Variants in PPP2CB observed in about 807,000 individuals in gnomAD.
The protein encoded by PPP2CB is protein phosphatase 2 catalytic subunit beta, also known as serine/threonine-protein phosphatase 2A catalytic subunit beta isoform.
In PPP2CB, 18 loss-of-function variants were observed where a neutral mutation model predicts 39.1. The ratio of observed to expected loss-of-function variants is 0.46; its 90% CI spans 0.32 to 0.68. PPP2CB has a LOEUF of 0.68. PPP2CB is among the 30% of genes least tolerant of loss of function. The pLI, the probability that PPP2CB is intolerant of heterozygous loss-of-function variation, is 0.04. For missense variants in PPP2CB, 226 were observed against 396.9 expected, an observed-to-expected ratio of 0.57 and a Z score of 3.66; for synonymous variants, 129 against 133.8, an observed-to-expected ratio of 0.96 and a Z score of 0.25.
intron 3 of PPP2CB, 140 bp from the exon 4 acceptor site, chr8:30,794,421 C>A (rs1563214958): frequency 9.6e-6 from 7 of 727,198 alleles, no homozygotes; most frequent in Non-Finnish European, 1.3e-5. Flanking sequence ...TTCTTCTTTA[C>A]CCCTTCTCTG....
At chr8:30,793,711 T>A in intron 5 of PPP2CB, 2 of 478,624 alleles carry the variant, frequency 4.2e-6, no homozygotes, top group Non-Finnish European at 7.2e-6. Context: ...TTTTTGTAAC[T>A]TTTTTCTAAG....
chr8:30,801,969 G>A (rs1220529731), intron 1 of PPP2CB, among the ~76,000 whole-genome samples: 1 of 152,182 alleles, frequency 6.6e-6, no homozygotes, highest in Non-Finnish European at 1.5e-5. Context: ...GTATGATTCT[G>A]ACTGCACCTC....
chr8:30,797,493 G>T, intron 3 of PPP2CB, 88 bp downstream of exon 3: 2 of 1,295,318 alleles, frequency 1.5e-6, no homozygotes, highest in Non-Finnish European at 2.1e-6. Flanking sequence ...CAGAAACACA[G>T]GTCATATGAA....
chr8:30,812,096 C>A (rs1399157015), intron 1 of PPP2CB, among the ~76,000 whole-genome samples: 1 of 152,018 alleles, frequency 6.6e-6, no homozygotes, highest in South Asian at 2.1e-4. Context: ...GGCAGCCGGC[C>A]GGGGGCGTGA....
intron 3 of PPP2CB, 33 bp from the exon 4 acceptor site, chr8:30,794,314 G>T: frequency 1.3e-6 from 2 of 1,539,754 alleles, no homozygotes; most frequent in African/African-American, 1.4e-5. Flanking sequence ...GAATGTATTT[G>T]TTTTACTAAC....
At chr8:30,789,702 TGA>T (rs1806400422) in intron 6 of PPP2CB, among the ~76,000 whole-genome samples, 1 of 144,670 alleles carries the variant, frequency 6.9e-6, no homozygotes, top group African/African-American at 2.9e-5. Flanking sequence ...GTTCAGTCAA[TGA>T]TGAGAGGTTG....
At position 30,812,430 on chromosome 8, in the gene PPP2CB, G is replaced by T; in HGVS notation, c.-9C>A. Reference sequence around the variant, plus strand: ...AACGCCTTGTCGTCCATGGCGGCCCGATCCCGATGCGGATCCCGAGCCCCA... The same window carrying T: ...AACGCCTTGTCGTCCATGGCGGCCCTATCCCGATGCGGATCCCGAGCCCCA... On this transcript the variant is annotated 5_prime_UTR_variant, in exon 1 of 7. Transcript: ENST00000221138. The T allele has an allele frequency of 6.6e-7, 1 of 1,518,648 alleles. No individual in the cohort carries two copies. 94.1% of individuals were successfully genotyped at this position (1,518,648 alleles called of 1,614,324 possible). A position where few individuals can be genotyped will look rare whatever the true frequency, so the allele number is the denominator to read the frequency against.
intron 1 of PPP2CB, among the ~76,000 whole-genome samples, chr8:30,808,416 G>T (rs7003483): frequency 3.3e-5 from 5 of 151,610 alleles, no homozygotes; most frequent in African/African-American, 1.2e-4. Flanking sequence ...TCAGTTTTTA[G>T]GCAATCTGAA....
chr8:30,799,849 C>CG (rs1806591793), intron 1 of PPP2CB, 94 bp from the exon 2 acceptor site: 1 of 1,092,244 alleles, frequency 9.2e-7, no homozygotes, highest in African/African-American at 1.6e-5. Flanking sequence ...TTGAAAAGTG[C>CG]CTTATAAAAG....
chr8:30,794,458 C>T, intron 3 of PPP2CB, 177 bp from the exon 4 acceptor site: 4 of 527,926 alleles, frequency 7.6e-6, no homozygotes, highest in Non-Finnish European at 1.3e-5. Context: ...TCCTTGGGGA[C>T]CCACCATTAA....
intron 1 of PPP2CB, among the ~76,000 whole-genome samples, chr8:30,804,398 C>T (rs976174820): frequency 6.6e-6 from 1 of 152,154 alleles, no homozygotes; most frequent in Non-Finnish European, 1.5e-5. Context: ...CTCTGACCTG[C>T]GGACCATTAA....
Position 30,794,295 on chromosome 8 carries a change from A to C in PPP2CB, c.487-14T>G, listed in dbSNP as rs2128760895. 6.3e-7 allele frequency: 1 copy of C among 1,584,698 alleles called. No homozygotes were observed. ...GAGGCAGAATATCTATGTATGAATT[A>C]ACAAAAGAGAATGTATTTGTTTTAC... On this transcript the variant is annotated splice_polypyrimidine_tract_variant and intron_variant, in intron 3 of 6. Transcript: ENST00000221138.
chr8:30,794,485 T>G, intron 3 of PPP2CB: 1 of 480,598 alleles, frequency 2.1e-6, no homozygotes, highest in Non-Finnish European at 3.7e-6. Context: ...TTTTTTTTTT[T>G]TCCCCTCCCT....
At chr8:30,793,135 G>A (rs1806465098) in intron 5 of PPP2CB, 1 of 152,156 alleles carries the variant, frequency 6.6e-6, no homozygotes, top group Non-Finnish European at 1.5e-5. Context: ...ACAATGCACG[G>A]AGGAGGACAC....
intron 3 of PPP2CB, among the ~76,000 whole-genome samples, chr8:30,795,061 G>C: frequency 6.6e-6 from 1 of 150,874 alleles, no homozygotes. Flanking sequence ...CATGCTCTAG[G>C]TATTCTGAAT....
Position 30,797,731 on chromosome 8 carries a change from T to C in PPP2CB, c.336A>G (p.Thr112=), listed in dbSNP as rs373017560. 4 of 1,613,970 alleles carry C rather than the reference T, an allele frequency of 2.5e-6. No homozygotes were observed. The highest frequency in any genetic ancestry group is 3.4e-6 in the Non-Finnish European group (4 of 1,179,944). ...GGCTTTCGTGATTTCCTCTCAATAT[T>C]GTAATGCGTTCTGGATAACGCACCT... The part of the protein sequence containing the change: ...ALKVRYPERI[T]ILRGNHESRQ... Residue 112 remains threonine, a synonymous_variant, in exon 3 of 7, where the codon ACA becomes ACG. Transcript: ENST00000221138.
Position 30,785,956 on chromosome 8 carries a change from T to C in PPP2CB, c.*279A>G. The C allele has an allele frequency of 1.8e-6, 1 of 568,840 alleles. No homozygotes were observed. The highest frequency in any genetic ancestry group is 4.0e-5 in the East Asian group (1 of 24,842). 35.2% of individuals were successfully genotyped at this position (568,840 alleles called of 1,614,324 possible). A position where few individuals can be genotyped will look rare whatever the true frequency, so the allele number is the denominator to read the frequency against. ...AAAGGAGATGAAGCAGTTAGTTACCTTTTTTGCTTGAACAGTCCAAAGGAA... is the reference window on the plus strand; with the variant it reads ...AAAGGAGATGAAGCAGTTAGTTACCCTTTTTGCTTGAACAGTCCAAAGGAA... On this transcript the variant is annotated 3_prime_UTR_variant, in exon 7 of 7. Transcript: ENST00000221138.
chr8:30,807,749 T>C (rs940744649), intron 1 of PPP2CB, among the ~76,000 whole-genome samples: 4 of 152,204 alleles, frequency 2.6e-5, no homozygotes, highest in African/African-American at 9.7e-5. Context: ...CCTGGCTCTC[T>C]TGGCACACAA....
At chr8:30,794,751 T>C (rs114395987) in intron 3 of PPP2CB, among the ~76,000 whole-genome samples, 69 of 152,266 alleles carry the variant, frequency 4.5e-4, no homozygotes, top group African/African-American at 1.5e-3. Flanking sequence ...TACAGGTGCA[T>C]GCCACTGTAC....
Sources: allele counts gnomAD v4.1 joint callset (sites outside exome capture counted in the v4.1 genomes callset), GRCh38; gene constraint gnomAD v4.1.1; transcripts MANE v1.5; gene names NCBI Gene and HGNC (gene_info 2026-07-23, HGNC 2026-07-21).